Variants in EGFLAM observed in about 807,000 individuals in gnomAD.
The protein encoded by EGFLAM is EGF like, fibronectin type III and laminin G domains, also known as pikachurin.
In EGFLAM, 79 loss-of-function variants were observed where a neutral mutation model predicts 113.1. The ratio of observed to expected loss-of-function variants is 0.70; its 90% CI spans 0.58 to 0.84. The LOEUF (loss-of-function observed/expected upper bound fraction) is 0.84. Among genes scored for constraint, EGFLAM ranks in the 40% least tolerant of loss-of-function variants. EGFLAM has a pLI of 0.00. For synonymous variants in EGFLAM, 504 were observed against 487.6 expected (o/e 1.03, Z -0.44); for missense variants, 1,265 against 1,291.6 (o/e 0.98, Z 0.32).
chr5:38,270,703 A>C (rs886443397), intron 1 of EGFLAM, among the ~76,000 whole-genome samples: 2 of 152,204 alleles, frequency 1.3e-5, no homozygotes, highest in African/African-American at 2.4e-5. Context: ...TATATATTTC[A>C]TCTGAAATTT....
intron 6 of EGFLAM, among the ~76,000 whole-genome samples, chr5:38,394,394 A>G (rs146761504): frequency 1.9e-4 from 29 of 149,742 alleles, no homozygotes; most frequent in African/African-American, 6.7e-4. Flanking sequence ...TTTTTGTTCT[A>G]TCTTGTTTAG....
At chr5:38,261,351 A>G (rs1424292172) in intron 1 of EGFLAM, among the ~76,000 whole-genome samples, 1 of 152,198 alleles carries the variant, frequency 6.6e-6, no homozygotes, top group East Asian at 1.9e-4. Context: ...ATAATAACTA[A>G]CACTAAGTGC....
At chr5:38,457,582 G>T (rs1735340706) in intron 19 of EGFLAM, among the ~76,000 whole-genome samples, 2 of 152,162 alleles carry the variant, frequency 1.3e-5, no homozygotes, top group African/African-American at 4.8e-5. Flanking sequence ...ATCCATGGCT[G>T]CCCTAATCCA....
At chr5:38,330,319 A>T (rs1047172850) in intron 1 of EGFLAM, among the ~76,000 whole-genome samples, 3 of 152,086 alleles carry the variant, frequency 2.0e-5, no homozygotes, top group Admixed American at 6.5e-5. Context: ...CTATTTCTCC[A>T]GCCAAGCAAG....
intron 1 of EGFLAM, among the ~76,000 whole-genome samples, chr5:38,264,360 CA>C (rs1321355008): frequency 6.6e-6 from 1 of 152,126 alleles, no homozygotes; most frequent in African/African-American, 2.4e-5. Context: ...TCCACTTTGT[CA>C]GTATTTCTCT....
At position 38,352,108 on chromosome 5, in the gene EGFLAM, A is replaced by T; in HGVS notation, c.410-88A>T. 8 of 1,574,666 alleles carry T rather than the reference A, an allele frequency of 5.1e-6. 1 individual carries two copies. In the South Asian group the frequency reaches 9.3e-5, roughly 18 times the overall value. ...TTATGTATTATATTAAACGTCTCCA[A>T]TGGCTGAGACCACCAGCCTAGCCCA... On this transcript the variant is annotated intron_variant, in intron 4 of 21. Transcript: ENST00000322350.
intron 12 of EGFLAM, among the ~76,000 whole-genome samples, chr5:38,420,767 T>C (rs1484218498): frequency 6.6e-6 from 1 of 152,156 alleles, no homozygotes; most frequent in African/African-American, 2.4e-5. Flanking sequence ...GGTTGTAAAG[T>C]TGGGCAAGAA....
intron 6 of EGFLAM, among the ~76,000 whole-genome samples, chr5:38,382,322 A>C (rs1394572071): frequency 6.6e-6 from 1 of 152,256 alleles, no homozygotes; most frequent in Non-Finnish European, 1.5e-5. Flanking sequence ...GTAGGTATAC[A>C]TCACAAAATT....
At chr5:38,419,504 C>G (rs1741760403) in intron 12 of EGFLAM, among the ~76,000 whole-genome samples, 1 of 152,192 alleles carries the variant, frequency 6.6e-6, no homozygotes, top group African/African-American at 2.4e-5. Context: ...CTACCGTTAA[C>G]ATTTTGCTGC....
chr5:38,453,826 T>G (rs1742999286), intron 19 of EGFLAM, among the ~76,000 whole-genome samples: 1 of 152,118 alleles, frequency 6.6e-6, no homozygotes, highest in Admixed American at 6.5e-5. Flanking sequence ...CAGCTGAATC[T>G]ATTCACCACC....
intron 20 of EGFLAM, among the ~76,000 whole-genome samples, chr5:38,459,469 A>G (rs1743201732): frequency 6.6e-6 from 1 of 152,216 alleles, no homozygotes; most frequent in Non-Finnish European, 1.5e-5. Context: ...TTTTACTATT[A>G]ATACCTTTGT....
chr5:38,287,793 C>T (rs920018720), intron 1 of EGFLAM, among the ~76,000 whole-genome samples: 2 of 152,202 alleles, frequency 1.3e-5, no homozygotes, highest in African/African-American at 4.8e-5. Flanking sequence ...AAATGAGTAT[C>T]TTTTATGCCC....
chr5:38,448,263 CACA>C, intron 17 of EGFLAM, 35 bp from the exon 18 acceptor site: 1 of 1,611,160 alleles, frequency 6.2e-7, no homozygotes, highest in South Asian at 1.1e-5. Context: ...TCAAGAGAAC[CACA>C]TACTATGTAA....
At chr5:38,463,724 G>C (rs1454160176) in intron 21 of EGFLAM, 108 bp from the exon 22 acceptor site, 1 of 1,372,226 alleles carries the variant, frequency 7.3e-7, no homozygotes, top group African/African-American at 1.4e-5. Context: ...CATGAATCAA[G>C]GGATGCCTTG....
intron 1 of EGFLAM, among the ~76,000 whole-genome samples, chr5:38,264,203 GC>G (rs1393759307): frequency 7.9e-5 from 12 of 152,156 alleles, no homozygotes; most frequent in Non-Finnish European, 1.5e-4. Flanking sequence ...CATGGGTCCT[GC>G]CTTTCCTCCT....
intron 3 of EGFLAM, among the ~76,000 whole-genome samples, chr5:38,349,773 G>GCGCACACACACACACA (rs1554049180): frequency 2.3e-5 from 3 of 131,040 alleles, no homozygotes; most frequent in South Asian, 2.6e-4. Context: ...AAGTACACAC[G>GCGCACACACACACACA]CACACACACA....
chr5:38,378,395 T>A (rs567270067), intron 6 of EGFLAM, among the ~76,000 whole-genome samples: 12 of 152,278 alleles, frequency 7.9e-5, no homozygotes, highest in African/African-American at 2.6e-4. Context: ...GTACATGTTG[T>A]CATAGAGCCA....
chr5:38,407,475 G>T (rs1741327716), intron 8 of EGFLAM, among the ~76,000 whole-genome samples: 1 of 152,144 alleles, frequency 6.6e-6, no homozygotes, highest in Admixed American at 6.5e-5. Context: ...ATGCATGAGG[G>T]TTAAGAAGGA....
chr5:38,352,434 G>A, intron 5 of EGFLAM, 103 bp downstream of exon 5: 1 of 1,485,090 alleles, frequency 6.7e-7, no homozygotes, highest in Middle Eastern at 1.9e-4. Context: ...AGATCACAAG[G>A]TCAGGAGTTC....
Sources: gnomAD v4.1 joint callset for allele counts (sites outside exome capture counted in the v4.1 genomes callset) on GRCh38, gnomAD v4.1.1 for gene constraint, MANE v1.5 for transcripts, NCBI Gene and HGNC (gene_info 2026-07-23, HGNC 2026-07-21) for gene names.